PRELID2: variants seen among roughly 807,000 people sequenced by gnomAD.
PRELID2 encodes PRELI domain-containing protein 2.
Under a neutral mutation model 28.4 loss-of-function variants are expected in PRELID2, and 25 were observed. That is an observed-to-expected ratio of 0.88 (90% CI 0.64 to 1.23). PRELID2 has a LOEUF of 1.23. PRELID2 is among the 50% of genes most tolerant of loss of function. PRELID2 has a pLI of 0.00. For missense variants in PRELID2, 201 were observed against 214.4 expected (o/e 0.94, Z 0.39); for synonymous variants, 76 against 71.6 (o/e 1.06, Z -0.31).
chr5:145,727,243 C>T (rs935483467), intron 1 of PRELID2, among the ~76,000 whole-genome samples: 1 of 152,286 alleles, frequency 6.6e-6, no homozygotes, highest in African/African-American at 2.4e-5. Context: ...CAAGTCTAGA[C>T]ACACTCCAAA....
At chr5:145,551,517 C>T (rs1175872719) in intron 1 of PRELID2, among the ~76,000 whole-genome samples, 1 of 152,162 alleles carries the variant, frequency 6.6e-6, no homozygotes, top group African/African-American at 2.4e-5. Flanking sequence ...CTTGGCAACC[C>T]AATCACAAGT....
chr5:145,420,291 G>A, the PRELID2 span, among the ~76,000 whole-genome samples: 2 of 152,002 alleles, frequency 1.3e-5, no homozygotes, highest in African/African-American at 4.8e-5. Flanking sequence ...AGCTTGATGG[G>A]GATGGCATTG....
chr5:145,660,200 A>C (rs970539312), intron 1 of PRELID2, among the ~76,000 whole-genome samples: 1 of 152,198 alleles, frequency 6.6e-6, no homozygotes, highest in African/African-American at 2.4e-5. Context: ...AGGACAGCAC[A>C]GTGGTTAAGA....
At position 145,637,956 on chromosome 5, in the gene PRELID2, G is replaced by A. The variant is rs556413824; in HGVS notation, n.70+126975C>T. On this transcript the variant is annotated intron_variant and non_coding_transcript_variant, in intron 1 of 2. Coordinates refer to the PRELID2 transcript ENST00000510259. ...CTCCCAAATAGCTGGGATTACAGGCGCGCACCACCACATCCAGCTAATTTT... is the reference window on the plus strand; with the variant it reads ...CTCCCAAATAGCTGGGATTACAGGCACGCACCACCACATCCAGCTAATTTT... 2.3e-4 allele frequency among the ~76,000 whole-genome samples: 35 copies of A among 152,000 alleles called. 1 individual carries two copies. In the South Asian group the frequency reaches 4.4e-3, roughly 19 times the overall value.
the PRELID2 span, among the ~76,000 whole-genome samples, chr5:145,233,037 C>G: frequency 6.0e-5 from 9 of 151,088 alleles, no homozygotes; most frequent in Admixed American, 1.3e-4. Context: ...ATACTACTAC[C>G]CCTGCTATTT....
the PRELID2 span, among the ~76,000 whole-genome samples, chr5:145,339,167 T>C: frequency 6.6e-6 from 1 of 152,232 alleles, no homozygotes; most frequent in Admixed American, 6.5e-5. Context: ...AGCCAGTACA[T>C]GCCTCTGACA....
rs529860684 is a variant in PRELID2 at position 145,675,207 on chromosome 5, G to T, written n.70+89724C>A. ...ATAAAAATAGAGGAAAGAATAAATC[G>T]ATTAATTATAGTAAACTGGGCAAGA... On this transcript the variant is annotated intron_variant and non_coding_transcript_variant, in intron 1 of 2. Transcript: ENST00000510259. Among the ~76,000 whole-genome samples, 13 of 152,016 alleles carry T rather than the reference G, an allele frequency of 8.6e-5. No individual in the cohort carries two copies. In the South Asian group the frequency reaches 2.5e-3, roughly 29 times the overall value.
At chr5:145,642,868 G>T (rs115082296) in intron 1 of PRELID2, among the ~76,000 whole-genome samples, 1 of 152,080 alleles carries the variant, frequency 6.6e-6, no homozygotes, top group Non-Finnish European at 1.5e-5. Context: ...CTGCTCCATC[G>T]GTCAATATAT....
chr5:145,817,295 C>A (rs1364471480), intron 4 of PRELID2, among the ~76,000 whole-genome samples: 1 of 140,944 alleles, frequency 7.1e-6, no homozygotes, highest in Non-Finnish European at 1.6e-5. Context: ...ATATGCTTCA[C>A]AAATGTTGTA....
chr5:145,540,747 A>G (rs1221169532), intron 1 of PRELID2, among the ~76,000 whole-genome samples: 3 of 151,472 alleles, frequency 2.0e-5, no homozygotes, highest in Non-Finnish European at 4.4e-5. Flanking sequence ...TGTTTTGGGG[A>G]AAAAAGAAAG....
chr5:145,530,644 T>C (rs959032775), intron 1 of PRELID2, among the ~76,000 whole-genome samples: 5 of 152,030 alleles, frequency 3.3e-5, no homozygotes, highest in African/African-American at 9.7e-5. Flanking sequence ...TTGGCAATGG[T>C]ACCAAACAGT....
At chr5:145,822,914 C>A (rs1255507492) in intron 2 of PRELID2, among the ~76,000 whole-genome samples, 163 bp downstream of exon 2, 1 of 152,088 alleles carries the variant, frequency 6.6e-6, no homozygotes, top group Non-Finnish European at 1.5e-5. Flanking sequence ...TAAGTCACCT[C>A]AAGTACAGAA....
At chr5:145,787,690 A>G (rs1225756547) in intron 5 of PRELID2, among the ~76,000 whole-genome samples, 1 of 151,904 alleles carries the variant, frequency 6.6e-6, no homozygotes, top group East Asian at 1.9e-4. Flanking sequence ...TAGGCATGCA[A>G]CAACATGCCC....
chr5:145,320,519 T>C, the PRELID2 span, among the ~76,000 whole-genome samples: 5 of 152,248 alleles, frequency 3.3e-5, no homozygotes, highest in East Asian at 5.8e-4. Flanking sequence ...AAGCTAAGTG[T>C]TGAACAATGA....
At chr5:145,615,663 A>G (rs1753688424) in intron 1 of PRELID2, among the ~76,000 whole-genome samples, 1 of 152,160 alleles carries the variant, frequency 6.6e-6, no homozygotes, top group Non-Finnish European at 1.5e-5. Context: ...TGGTTGGTGA[A>G]TTCTTATCCA....
At chr5:145,645,706 G>C (rs1754186190) in intron 1 of PRELID2, among the ~76,000 whole-genome samples, 1 of 152,076 alleles carries the variant, frequency 6.6e-6, no homozygotes, top group Admixed American at 6.6e-5. Context: ...GCTTCCTTCA[G>C]GAGCTCTTGT....
intron 1 of PRELID2, among the ~76,000 whole-genome samples, chr5:145,609,813 C>T (rs1176353559): frequency 1.3e-5 from 2 of 152,234 alleles, no homozygotes; most frequent in Admixed American, 6.5e-5. Flanking sequence ...GGGTCACCCA[C>T]CCTGCAGTCC....
At chr5:145,458,453 T>C in the PRELID2 span, among the ~76,000 whole-genome samples, 1 of 152,204 alleles carries the variant, frequency 6.6e-6, no homozygotes, top group Non-Finnish European at 1.5e-5. Context: ...TCCAATTTCG[T>C]TATAATACTT....
At chr5:145,717,839 T>C (rs1456213400) in intron 1 of PRELID2, among the ~76,000 whole-genome samples, 1 of 151,886 alleles carries the variant, frequency 6.6e-6, no homozygotes, top group Admixed American at 6.6e-5. Context: ...GTAATATAAA[T>C]GAGAGGATTG....
Sources: allele counts gnomAD v4.1 joint callset (sites outside exome capture counted in the v4.1 genomes callset), GRCh38; gene constraint gnomAD v4.1.1; transcripts MANE v1.5; gene names NCBI Gene and HGNC (gene_info 2026-07-23, HGNC 2026-07-21).